Variants in NTN4 observed in about 807,000 individuals in gnomAD.
The protein encoded by NTN4 is netrin 4, also known as netrin-4.
In NTN4, 32 loss-of-function variants were observed where a neutral mutation model predicts 73.6. That is an observed-to-expected ratio of 0.44 (90% CI 0.33 to 0.58). The LOEUF is 0.58. Among genes scored for constraint, NTN4 ranks in the 20% least tolerant of loss-of-function variants. The probability of loss-of-function intolerance (pLI) is 0.04; values close to 1 mark genes in which losing one functional copy is unlikely to be tolerated. For missense variants in NTN4, 654 were observed against 798.3 expected (o/e 0.82, Z 2.18); for synonymous variants, 258 against 287.5 (o/e 0.90, Z 1.04).
At position 95,732,593 on chromosome 12, in the gene NTN4, G is replaced by A. The variant is rs374996731; in HGVS notation, c.864+5273C>T. On this transcript the variant is annotated intron_variant, in intron 3 of 9. Coordinates refer to ENST00000343702, the MANE Select transcript of NTN4 (RefSeq NM_021229.4). ...TAATTTTTGTATTTTAGTAGAGACA[G>A]GGTTTTACCGTGTTGGCCGGGCAGA... Among the ~76,000 whole-genome samples the A allele has an allele frequency of 4.3e-4, 66 of 152,068 alleles. 1 individual carries two copies. The highest frequency in any genetic ancestry group is 1.5e-3 in the African/African-American group (64 of 41,480).
intron 4 of NTN4, among the ~76,000 whole-genome samples, chr12:95,712,784 T>C (rs1199284887): frequency 1.3e-3 from 156 of 123,890 alleles, no homozygotes; most frequent in African/African-American, 4.9e-3. Context: ...TCTTTCTTTC[T>C]TTCTTTTTTT....
intron 2 of NTN4, among the ~76,000 whole-genome samples, chr12:95,774,322 G>C (rs2079077256): frequency 6.6e-6 from 1 of 152,078 alleles, no homozygotes; most frequent in East Asian, 1.9e-4. Flanking sequence ...CAACTCACTA[G>C]GTTTCAGTTT....
chr12:95,763,204 G>T (rs1295236952), intron 2 of NTN4, among the ~76,000 whole-genome samples: 1 of 152,136 alleles, frequency 6.6e-6, no homozygotes, highest in African/African-American at 2.4e-5. Context: ...CTTGAAAATT[G>T]ATCTCTATCA....
chr12:95,787,498 G>A, intron 1 of NTN4, 30 bp from the exon 2 acceptor site: 2 of 1,600,332 alleles, frequency 1.2e-6, no homozygotes, highest in Non-Finnish European at 1.7e-6. Context: ...CATGATGCAA[G>A]ACAAACCCAT....
intron 7 of NTN4, among the ~76,000 whole-genome samples, chr12:95,681,462 A>G (rs2078315479): frequency 6.6e-6 from 1 of 152,208 alleles, no homozygotes; most frequent in South Asian, 2.1e-4. Context: ...ATGGGTGCTC[A>G]TTGCATAACA....
chr12:95,771,925 C>T (rs2079061523), intron 2 of NTN4, among the ~76,000 whole-genome samples: 1 of 152,126 alleles, frequency 6.6e-6, no homozygotes, highest in South Asian at 2.1e-4. Context: ...ACTTCTCTCT[C>T]ACCTGTGATT....
rs149946316 is a variant in NTN4, at chr12:95,733,916, A to G, written c.864+3950T>C. On this transcript the variant is annotated intron_variant, in intron 3 of 9. Transcript: ENST00000343702. ...GAAACCCCATCTGAACTAAAAATAC[A>G]AAAATTAGCCAGGCATGGTGGTGCA... Among the ~76,000 whole-genome samples the G allele has an allele frequency of 5.7e-3, 870 of 152,084 alleles. 6 individuals are homozygous for G. Among genetic ancestry groups the G allele is most frequent in the African/African-American group, 0.02 (845 of 41,494 alleles).
chr12:95,773,251 G>C (rs746885635), intron 2 of NTN4, among the ~76,000 whole-genome samples: 2 of 152,120 alleles, frequency 1.3e-5, no homozygotes, highest in Non-Finnish European at 2.9e-5. Context: ...TGATTCACCA[G>C]CCTCGGCCTC....
chr12:95,695,145 T>C (rs1306038950), intron 5 of NTN4, among the ~76,000 whole-genome samples: 3 of 151,748 alleles, frequency 2.0e-5, no homozygotes, highest in Admixed American at 2.0e-4. Flanking sequence ...AAAATGACGC[T>C]TGAATCAGTT....
At chr12:95,696,262 G>T (rs889481762) in intron 5 of NTN4, among the ~76,000 whole-genome samples, 1 of 151,712 alleles carries the variant, frequency 6.6e-6, no homozygotes, top group Non-Finnish European at 1.5e-5. Context: ...TATTTACTTG[G>T]GTAAATTTAT....
At chr12:95,753,312 G>A (rs1316225789) in intron 2 of NTN4, among the ~76,000 whole-genome samples, 1 of 147,764 alleles carries the variant, frequency 6.8e-6, no homozygotes, top group African/African-American at 2.5e-5. Flanking sequence ...CTACTCCTCA[G>A]GGATTATTCA....
intron 2 of NTN4, among the ~76,000 whole-genome samples, chr12:95,771,678 T>C (rs1318953778): frequency 6.6e-6 from 1 of 152,286 alleles, no homozygotes; most frequent in East Asian, 1.9e-4. Flanking sequence ...CAAAAAAGGA[T>C]GAAAAGTTAG....
intron 3 of NTN4, among the ~76,000 whole-genome samples, chr12:95,715,039 C>T (rs772575032): frequency 6.6e-6 from 1 of 152,046 alleles, no homozygotes; most frequent in African/African-American, 2.4e-5. Context: ...TCTTTTAATA[C>T]TTTCCTACCA....
intron 3 of NTN4, among the ~76,000 whole-genome samples, chr12:95,735,947 TTA>T (rs1485644507): frequency 6.7e-6 from 1 of 149,778 alleles, no homozygotes; most frequent in Non-Finnish European, 1.5e-5. Flanking sequence ...ATTTATTTAT[TTA>T]TTTTTTTGAG....
chr12:95,777,013 T>C (rs1201120684), intron 2 of NTN4, among the ~76,000 whole-genome samples: 1 of 152,140 alleles, frequency 6.6e-6, no homozygotes, highest in Non-Finnish European at 1.5e-5. Context: ...TATTCAACAT[T>C]CTTAAAGAAA....
At chr12:95,782,389 A>G (rs2079139775) in intron 2 of NTN4, among the ~76,000 whole-genome samples, 1 of 151,526 alleles carries the variant, frequency 6.6e-6, no homozygotes, top group South Asian at 2.1e-4. Flanking sequence ...TCCGCCTCCC[A>G]GGTTCAAGCA....
At chr12:95,755,306 G>T (rs139767421) in intron 2 of NTN4, among the ~76,000 whole-genome samples, 1 of 152,168 alleles carries the variant, frequency 6.6e-6, no homozygotes. Flanking sequence ...GTTCTGAAAC[G>T]GGCTTTCTGC....
chr12:95,769,409 G>A (rs1465334821), intron 2 of NTN4, among the ~76,000 whole-genome samples: 1 of 152,070 alleles, frequency 6.6e-6, no homozygotes, highest in African/African-American at 2.4e-5. Flanking sequence ...ATAAGTTGGA[G>A]TCTTAAAAGA....
intron 9 of NTN4, among the ~76,000 whole-genome samples, chr12:95,664,678 T>C (rs2078166082): frequency 6.6e-6 from 1 of 152,084 alleles, no homozygotes; most frequent in South Asian, 2.1e-4. Context: ...AGTGGTGCGA[T>C]CTCAGCTCAC....
Sources: allele counts gnomAD v4.1 joint callset (sites outside exome capture counted in the v4.1 genomes callset), GRCh38; gene constraint gnomAD v4.1.1; transcripts MANE v1.5; gene names NCBI Gene and HGNC (gene_info 2026-07-23, HGNC 2026-07-21).